DLGAP2: variants seen among roughly 807,000 people sequenced by gnomAD.
The protein encoded by DLGAP2 is DLG associated protein 2, also known as disks large-associated protein 2.
A neutral mutation model predicts 100.3 loss-of-function variants in DLGAP2; 26 were observed. The ratio of observed to expected loss-of-function variants is 0.26; its 90% confidence interval spans 0.19 to 0.36. DLGAP2 has a LOEUF of 0.36. Ranked by LOEUF, DLGAP2 falls within the 10% of genes least tolerant of loss-of-function variation. DLGAP2 has a pLI of 1.00. For synonymous variants in DLGAP2, 886 were observed against 630.1 expected, an observed-to-expected ratio of 1.41 and a Z score of -6.08; for missense variants, 1,858 against 1,453.2, an observed-to-expected ratio of 1.28 and a Z score of -4.53.
At chr8:1,562,667 G>T (rs1431265394) in intron 5 of DLGAP2, among the ~76,000 whole-genome samples, 3 of 55,356 alleles carry the variant, frequency 5.4e-5, no homozygotes, top group African/African-American at 1.7e-4. Flanking sequence ...ACTGTGTGGT[G>T]TTGGGGTGTC....
chr8:1,583,103 T>C (rs1795999133), intron 6 of DLGAP2, among the ~76,000 whole-genome samples: 1 of 152,178 alleles, frequency 6.6e-6, no homozygotes, highest in African/African-American at 2.4e-5. Context: ...TGTGAAGCCA[T>C]TTCTCCAAGG....
At chr8:861,990 A>G (rs964073646) in intron 1 of DLGAP2, among the ~76,000 whole-genome samples, 5 of 152,204 alleles carry the variant, frequency 3.3e-5, no homozygotes, top group African/African-American at 4.8e-5. Context: ...CATCCCACCA[A>G]CTGTTTAGAC....
intron 2 of DLGAP2, among the ~76,000 whole-genome samples, chr8:1,147,299 A>T (rs1796625637): frequency 6.6e-6 from 1 of 152,170 alleles, no homozygotes; most frequent in African/African-American, 2.4e-5. Context: ...TCTGTAAAAT[A>T]ATTTACAGGT....
intron 4 of DLGAP2, among the ~76,000 whole-genome samples, chr8:1,529,450 A>G (rs142087900): frequency 6.1e-4 from 93 of 152,306 alleles, no homozygotes; most frequent in Middle Eastern, 3.4e-3. Context: ...GTGGCCAACA[A>G]GATGGACCGA....
At chr8:1,013,221 G>T (rs1463710479) in intron 2 of DLGAP2, among the ~76,000 whole-genome samples, 1 of 152,162 alleles carries the variant, frequency 6.6e-6, no homozygotes, top group Non-Finnish European at 1.5e-5. Context: ...TTCAGCATTT[G>T]AACTACGTTA....
intron 5 of DLGAP2, among the ~76,000 whole-genome samples, chr8:1,564,127 A>C (rs1178303142): frequency 1.3e-5 from 2 of 152,182 alleles, no homozygotes; most frequent in Admixed American, 6.5e-5. Context: ...CAGCGACTGC[A>C]TGCTGTGTTC....
chr8:1,521,379 TCGGGGG>T (rs1800591794), intron 4 of DLGAP2, among the ~76,000 whole-genome samples: 1 of 61,260 alleles, frequency 1.6e-5, no homozygotes, highest in Non-Finnish European at 3.5e-5. Context: ...TTTGGAATAC[TCGGGGG>T]CAGGTGATAT....
intron 2 of DLGAP2, among the ~76,000 whole-genome samples, chr8:1,113,907 G>A (rs910165141): frequency 3.3e-5 from 5 of 152,266 alleles, no homozygotes; most frequent in African/African-American, 1.2e-4. Context: ...TTAACATGAA[G>A]AGGTATTGGA....
At chr8:1,689,603 G>A (rs1474393493) in intron 12 of DLGAP2, among the ~76,000 whole-genome samples, 1 of 152,152 alleles carries the variant, frequency 6.6e-6, no homozygotes, top group East Asian at 1.9e-4. Context: ...TGTCGTGTAG[G>A]TTAGTGATTT....
intron 4 of DLGAP2, among the ~76,000 whole-genome samples, chr8:1,515,174 C>G (rs11778499): frequency 6.6e-6 from 1 of 151,996 alleles, no homozygotes; most frequent in East Asian, 1.9e-4. Context: ...TTGGAAATCA[C>G]GGAGAGTTGT....
chr8:1,294,861 C>G, intron 3 of DLGAP2, among the ~76,000 whole-genome samples: 1 of 136,184 alleles, frequency 7.3e-6, no homozygotes, highest in South Asian at 2.5e-4. Context: ...AGAGCAAGAT[C>G]TTGTCTCAAA....
chr8:1,532,657 A>G (rs778349922), intron 4 of DLGAP2, among the ~76,000 whole-genome samples: 16 of 152,192 alleles, frequency 1.1e-4, no homozygotes, highest in Non-Finnish European at 2.1e-4. Flanking sequence ...TAATGTATGT[A>G]TTTGATTCAA....
intron 2 of DLGAP2, among the ~76,000 whole-genome samples, chr8:996,409 T>C (rs1441235472): frequency 6.6e-6 from 1 of 151,446 alleles, no homozygotes; most frequent in Non-Finnish European, 1.5e-5. Flanking sequence ...GTCCTCAGCG[T>C]GTGTGCTTTG....
chr8:802,211 C>A, intron 1 of DLGAP2, among the ~76,000 whole-genome samples: 1 of 151,048 alleles, frequency 6.6e-6, no homozygotes. Context: ...CCTCCTGGGC[C>A]CTCCATCCTC....
At chr8:1,135,642 T>C (rs1236406833) in intron 2 of DLGAP2, among the ~76,000 whole-genome samples, 1 of 151,424 alleles carries the variant, frequency 6.6e-6, no homozygotes, top group East Asian at 2.0e-4. Flanking sequence ...CCTCACTGCC[T>C]TGCGGCATGT....
At chr8:1,644,357 C>G (rs930079970) in intron 8 of DLGAP2, among the ~76,000 whole-genome samples, 1 of 152,222 alleles carries the variant, frequency 6.6e-6, no homozygotes, top group Non-Finnish European at 1.5e-5. Context: ...CCCAGTGACC[C>G]GGCCCCACCA....
chr8:1,299,595 C>T (rs1486475400), intron 3 of DLGAP2, among the ~76,000 whole-genome samples: 1 of 152,200 alleles, frequency 6.6e-6, no homozygotes, highest in Non-Finnish European at 1.5e-5. Context: ...CAGATTCGTT[C>T]CTGCTGGGAT....
chr8:795,070 A>C (rs1393377916), intron 1 of DLGAP2, among the ~76,000 whole-genome samples: 1 of 152,192 alleles, frequency 6.6e-6, no homozygotes, highest in Non-Finnish European at 1.5e-5. Context: ...ACCACAGAAC[A>C]CTGTTTAGAT....
chr8:1,663,551 A>G (rs1429981087), intron 8 of DLGAP2, among the ~76,000 whole-genome samples: 4 of 152,190 alleles, frequency 2.6e-5, no homozygotes, highest in South Asian at 4.1e-4. Flanking sequence ...TTGATTTAAT[A>G]GAACCAGAAA....
Sources: allele counts gnomAD v4.1 joint callset (sites outside exome capture counted in the v4.1 genomes callset), GRCh38; gene constraint gnomAD v4.1.1; transcripts MANE v1.5; gene names NCBI Gene and HGNC (gene_info 2026-07-23, HGNC 2026-07-21).